Variants in PLEKHA7 observed in about 807,000 individuals in gnomAD.
PLEKHA7 encodes pleckstrin homology domain containing A7.
PLEKHA7 carries 104 observed loss-of-function variants against 170.0 expected under a neutral mutation model. The observed-to-expected ratio is 0.61, with a 90% CI of 0.52 to 0.72. The LOEUF is 0.72. PLEKHA7 is among the 30% of genes least tolerant of loss of function. The probability of loss-of-function intolerance (pLI) is 0.00; values close to 1 mark genes in which losing one functional copy is unlikely to be tolerated. For synonymous variants in PLEKHA7, 648 were observed against 660.8 expected, an observed-to-expected ratio of 0.98 and a Z score of 0.30; for missense variants, 1,615 against 1,671.7, an observed-to-expected ratio of 0.97 and a Z score of 0.59.
At chr11:16,906,265 AGG>A (rs1857670043) in intron 3 of PLEKHA7, among the ~76,000 whole-genome samples, 3 of 120,220 alleles carry the variant, frequency 2.5e-5, no homozygotes, top group East Asian at 2.4e-4. Flanking sequence ...GAAGGAAGGA[AGG>A]AAGGAAGGAA....
intron 3 of PLEKHA7, among the ~76,000 whole-genome samples, chr11:16,980,610 G>T (rs1020951433): frequency 6.6e-6 from 1 of 152,118 alleles, no homozygotes; most frequent in African/African-American, 2.4e-5. Context: ...TTTGGTTTGG[G>T]GGGGATAGGG....
At chr11:16,888,412 T>G (rs1856341692) in intron 3 of PLEKHA7, among the ~76,000 whole-genome samples, 2 of 152,278 alleles carry the variant, frequency 1.3e-5, no homozygotes, top group South Asian at 2.1e-4. Context: ...GGGGGGGAAA[T>G]GTGGGGAGGG....
Position 16,782,742 on chromosome 11 carries a change from C to T in PLEKHA7, c.3793+12G>A. On this transcript the variant is annotated intron_variant, in intron 26 of 26. Transcript: ENST00000531066. ...CAGGATCCAGGCCTTGGGGGCTGGG[C>T]CATGGCCTTACCTGCCACCTGCTTG... 1 of 1,535,410 alleles carries T rather than the reference C, an allele frequency of 6.5e-7. No individual in the cohort carries two copies. Among genetic ancestry groups the T allele is most frequent in the Non-Finnish European group, 8.7e-7 (1 of 1,146,760 alleles).
chr11:16,826,693 T>A, intron 9 of PLEKHA7, 103 bp from the exon 10 acceptor site: 1 of 1,057,060 alleles, frequency 9.5e-7, no homozygotes. Context: ...GGCTATTCCC[T>A]CTGCTCAGAA....
intron 3 of PLEKHA7, among the ~76,000 whole-genome samples, chr11:16,982,678 G>T (rs2136867001): frequency 6.6e-6 from 1 of 152,040 alleles, no homozygotes; most frequent in South Asian, 2.1e-4. Context: ...TCTGACCTCT[G>T]CCACCTGTGT....
chr11:16,888,155 C>T (rs948749729), intron 3 of PLEKHA7, among the ~76,000 whole-genome samples: 2 of 97,874 alleles, frequency 2.0e-5, no homozygotes, highest in Non-Finnish European at 4.5e-5. Context: ...CCCCTCCACC[C>T]GGCAGCCGTC....
At chr11:16,787,922 C>A (rs1849512405) in intron 23 of PLEKHA7, 1 of 152,176 alleles carries the variant, frequency 6.6e-6, no homozygotes, top group African/African-American at 2.4e-5. Flanking sequence ...GAGAGGCCCT[C>A]TGAATACACA....
chr11:16,930,633 C>T (rs1336449287), intron 3 of PLEKHA7, among the ~76,000 whole-genome samples: 2 of 152,222 alleles, frequency 1.3e-5, no homozygotes, highest in Middle Eastern at 3.4e-3. Flanking sequence ...ACAGAGCTGC[C>T]ATTAGGTTAC....
At chr11:16,953,746 G>C (rs1861540229) in intron 3 of PLEKHA7, among the ~76,000 whole-genome samples, 1 of 152,098 alleles carries the variant, frequency 6.6e-6, no homozygotes, top group African/African-American at 2.4e-5. Context: ...GACTGGAAAG[G>C]GCAGTGTTTT....
chr11:16,979,611 C>T (rs1863292075), intron 3 of PLEKHA7, among the ~76,000 whole-genome samples: 1 of 152,052 alleles, frequency 6.6e-6, no homozygotes, highest in African/African-American at 2.4e-5. Flanking sequence ...TTTTTTCCTC[C>T]AACCCTTTCT....
At chr11:16,790,981 A>C in intron 20 of PLEKHA7, 30 bp downstream of exon 20, 1 of 1,613,958 alleles carries the variant, frequency 6.2e-7, no homozygotes, top group Non-Finnish European at 8.5e-7. Flanking sequence ...CCCCACATGT[A>C]GAGTGGCAGC....
At chr11:16,850,572 C>G (rs1021988936) in intron 8 of PLEKHA7, among the ~76,000 whole-genome samples, 1 of 152,222 alleles carries the variant, frequency 6.6e-6, no homozygotes, top group Admixed American at 6.5e-5. Context: ...AGCCTCCACA[C>G]TGGACCTCAC....
intron 3 of PLEKHA7, among the ~76,000 whole-genome samples, chr11:16,889,414 A>ATATATATATAT (rs1489389191): frequency 8.7e-5 from 10 of 114,888 alleles, no homozygotes; most frequent in African/African-American, 3.8e-4. Flanking sequence ...AAAAAAAAAA[A>ATATATATATAT]AAAAAAATAT....
chr11:16,966,285 CATGTAT>C (rs944386623), intron 3 of PLEKHA7, among the ~76,000 whole-genome samples: 1 of 125,644 alleles, frequency 8.0e-6, no homozygotes, highest in African/African-American at 3.1e-5. Context: ...CATGGTTGTG[CATGTAT>C]GTGTGTGTGT....
At chr11:16,943,510 GA>G (rs902398324) in intron 3 of PLEKHA7, among the ~76,000 whole-genome samples, 1 of 152,128 alleles carries the variant, frequency 6.6e-6, no homozygotes, top group Admixed American at 6.5e-5. Context: ...ACTTGCTGTT[GA>G]GCCAAAGCAC....
rs1262292027 is a variant in PLEKHA7 at position 16,778,964 on chromosome 11, G to A, written c.*34C>T. Reference sequence around the variant, plus strand: ...CTCCTTGGAGGAAGCTGGTTCCACTGGGCCCCTGGCTCCAGGCTTCTTTGC... The same window carrying A: ...CTCCTTGGAGGAAGCTGGTTCCACTAGGCCCCTGGCTCCAGGCTTCTTTGC... On this transcript the variant is annotated 3_prime_UTR_variant, in exon 27 of 27. Coordinates refer to ENST00000531066, the MANE Select transcript of PLEKHA7 (RefSeq NM_001329630.2). 2.8e-6 allele frequency: 2 copies of A among 702,626 alleles called. No homozygotes were observed. The highest frequency in any genetic ancestry group is 2.7e-5 in the East Asian group (1 of 37,280). 43.5% of individuals were successfully genotyped at this position (702,626 alleles called of 1,614,324 possible). A position where few individuals can be genotyped will look rare whatever the true frequency, so the allele number is the denominator to read the frequency against.
chr11:16,821,882 C>A (rs947770664), intron 10 of PLEKHA7, among the ~76,000 whole-genome samples: 1 of 152,176 alleles, frequency 6.6e-6, no homozygotes, highest in African/African-American at 2.4e-5. Context: ...TTGAGATCTG[C>A]TTGCCCTACT....
intron 13 of PLEKHA7, among the ~76,000 whole-genome samples, chr11:16,808,889 G>T (rs935971709): frequency 6.6e-6 from 1 of 152,220 alleles, no homozygotes; most frequent in African/African-American, 2.4e-5. Flanking sequence ...ATGGACGAAA[G>T]AAGGCAGGTG....
At chr11:16,983,779 G>T (rs1863574197) in intron 3 of PLEKHA7, among the ~76,000 whole-genome samples, 1 of 152,160 alleles carries the variant, frequency 6.6e-6, no homozygotes. Context: ...CAGGGAGAAG[G>T]CTCCCTGGAT....
Sources: gnomAD v4.1 joint callset for allele counts (sites outside exome capture counted in the v4.1 genomes callset) on GRCh38, gnomAD v4.1.1 for gene constraint, MANE v1.5 for transcripts, NCBI Gene and HGNC (gene_info 2026-07-23, HGNC 2026-07-21) for gene names.